The following AGAP1 variants were observed in gnomAD, a reference collection of about 807,000 sequenced individuals.
The protein encoded by AGAP1 is arf-GAP with GTPase, ANK repeat and PH domain-containing protein 1.
In AGAP1, 29 loss-of-function variants were observed where a neutral mutation model predicts 105.3. That is an observed-to-expected ratio of 0.28 (90% CI 0.21 to 0.38). The LOEUF (loss-of-function observed/expected upper bound fraction) is 0.38, where lower values mean the gene tolerates loss of function less well. Among genes scored for constraint, AGAP1 ranks in the 10% least tolerant of loss-of-function variants. The pLI is 1.00. For missense variants in AGAP1, 998 were observed against 1,165.1 expected (o/e 0.86, Z 2.09); for synonymous variants, 509 against 485.9 (o/e 1.05, Z -0.63).
At chr2:235,833,672 A>G (rs79333384) in intron 9 of AGAP1, among the ~76,000 whole-genome samples, 1 of 152,010 alleles carries the variant, frequency 6.6e-6, no homozygotes, top group Non-Finnish European at 1.5e-5. Flanking sequence ...TCCCGAATGA[A>G]TGAATGGAAC....
intron 1 of AGAP1, among the ~76,000 whole-genome samples, chr2:235,567,958 G>T (rs1944400175): frequency 6.6e-6 from 1 of 152,178 alleles, no homozygotes; most frequent in Admixed American, 6.5e-5. Context: ...ATTTCTGGAA[G>T]GTGGCTTTGG....
At chr2:235,667,815 C>T (rs1400895869) in intron 1 of AGAP1, among the ~76,000 whole-genome samples, 3 of 151,762 alleles carry the variant, frequency 2.0e-5, no homozygotes, top group African/African-American at 4.8e-5. Flanking sequence ...AAAAATTAGC[C>T]GGGACTGGTG....
intron 13 of AGAP1, among the ~76,000 whole-genome samples, chr2:236,031,765 T>A (rs2057231302): frequency 6.6e-6 from 1 of 152,002 alleles, no homozygotes; most frequent in Non-Finnish European, 1.5e-5. Flanking sequence ...CCAGAACAGG[T>A]GTCATCCCTC....
intron 9 of AGAP1, among the ~76,000 whole-genome samples, chr2:235,828,680 A>G (rs887893834): frequency 1.3e-5 from 2 of 152,218 alleles, no homozygotes; most frequent in African/African-American, 4.8e-5. Flanking sequence ...GTGGAATGTC[A>G]TGGAGCAAAT....
chr2:235,610,211 GC>G lies in AGAP1; in HGVS notation c.164-98967del. On this transcript the variant is annotated intron_variant, in intron 1 of 17. Transcript: ENST00000304032. The surrounding 1 kb of genome is among the most constrained non-coding windows in gnomAD (Gnocchi z 4.9). ...AGAGCCACAGTCATCCTGTGTGCCT[GC>G]TTGAGTCTGCACCGAACATGGCTCT... Among the ~76,000 whole-genome samples the G allele has an allele frequency of 6.6e-6, 1 of 152,152 alleles. No individual in the cohort carries two copies. Among genetic ancestry groups the G allele is most frequent in the East Asian group, 1.9e-4 (1 of 5,174 alleles).
rs866194568 is a variant in AGAP1, at chr2:235,819,120, T to A, written c.1050+11789T>A. ...TGTATTTCTTTTCTTTTCTTTTCTT[T>A]TTTTTTTTTTTGGAGACAGAGTCTA... On this transcript the variant is annotated intron_variant, in intron 9 of 17. Coordinates refer to ENST00000304032, the MANE Select transcript of AGAP1 (RefSeq NM_001037131.3). Among the ~76,000 whole-genome samples, 431 of 150,582 alleles carry A rather than the reference T, an allele frequency of 2.9e-3. 2 individuals carry two copies. The highest frequency in any genetic ancestry group is 0.02 in the East Asian group (102 of 5,150).
rs1945726391 is a variant in AGAP1, at chr2:235,601,390, A to G, written c.163+106541A>G. Among the ~76,000 whole-genome samples the G allele has an allele frequency of 6.6e-6, 1 of 152,172 alleles. No individual in the cohort carries two copies. Among genetic ancestry groups the G allele is most frequent in the South Asian group, 2.1e-4 (1 of 4,828 alleles). On this transcript the variant is annotated intron_variant, in intron 1 of 17. Coordinates refer to ENST00000304032, the MANE Select transcript of AGAP1 (RefSeq NM_001037131.3). This position sits in a 1 kb window ranked among gnomAD's most constrained non-coding sequence, Gnocchi z 4.4. Reference sequence around the variant, plus strand: ...GTCTGTTGTCGTGCTGCTAATAAGCACATACCTGAGACTGGGTAATTTATA... The same window carrying G: ...GTCTGTTGTCGTGCTGCTAATAAGCGCATACCTGAGACTGGGTAATTTATA...
At chr2:235,771,386 C>T (rs1436218448) in intron 6 of AGAP1, among the ~76,000 whole-genome samples, 5 of 152,180 alleles carry the variant, frequency 3.3e-5, no homozygotes, top group African/African-American at 7.2e-5. Context: ...GCTCCCACCA[C>T]ACGTGGGCAC....
chr2:235,859,151 A>G (rs559413993), intron 9 of AGAP1, among the ~76,000 whole-genome samples: 1 of 152,248 alleles, frequency 6.6e-6, no homozygotes, highest in African/African-American at 2.4e-5. Flanking sequence ...AACTTTCTTC[A>G]TTAAAATTAA....
chr2:235,948,253 G>T (rs1392718037), intron 12 of AGAP1, among the ~76,000 whole-genome samples: 2 of 152,198 alleles, frequency 1.3e-5, no homozygotes, highest in Non-Finnish European at 2.9e-5. Context: ...CACGATCTCA[G>T]CTCACTGCAG....
chr2:236,122,931 C>T (rs141486911), intron 17 of AGAP1, among the ~76,000 whole-genome samples: 2,322 of 152,260 alleles, frequency 0.015, 63 homozygotes, highest in African/African-American at 0.054. Flanking sequence ...GATCCGCCCT[C>T]CTCGGCCTCC....
At position 235,744,228 on chromosome 2, in the gene AGAP1, G is replaced by A. The variant is rs537447407; in HGVS notation, c.397-470G>A. Among the ~76,000 whole-genome samples the A allele has an allele frequency of 1.3e-5, 2 of 152,278 alleles. No homozygotes were observed. Among genetic ancestry groups the A allele is most frequent in the East Asian group, 3.9e-4 (2 of 5,174 alleles). ...GGCCAGCCGCTGCGGTAGCGAGTGG[G>A]AAGGACTGAGGGGTGGGGAGGTTCT... On this transcript the variant is annotated intron_variant, in intron 4 of 17. Coordinates refer to ENST00000304032, the MANE Select transcript of AGAP1 (RefSeq NM_001037131.3). This position sits in a 1 kb window ranked among gnomAD's most constrained non-coding sequence, Gnocchi z 5.2.
At chr2:236,069,846 T>C (rs1393898539) in intron 16 of AGAP1, among the ~76,000 whole-genome samples, 1 of 152,266 alleles carries the variant, frequency 6.6e-6, no homozygotes, top group Admixed American at 6.5e-5. Context: ...TCTGATTTAT[T>C]CTTATTTATT....
Position 235,582,193 on chromosome 2 carries a change from C to T in AGAP1, c.163+87344C>T, listed in dbSNP as rs1023925542. Among the ~76,000 whole-genome samples, 6 of 152,258 alleles carry T rather than the reference C, an allele frequency of 3.9e-5. No individual in the cohort carries two copies. The highest frequency in any genetic ancestry group is 7.4e-5 in the Non-Finnish European group (5 of 68,018). On this transcript the variant is annotated intron_variant, in intron 1 of 17. Coordinates refer to ENST00000304032, the MANE Select transcript of AGAP1 (RefSeq NM_001037131.3). This position sits in a 1 kb window ranked among gnomAD's most constrained non-coding sequence, Gnocchi z 4.7. ...TGGTCACCAGATGTGAGCCCTGGAG[C>T]GCATGATTGTGGTTTTGACCCATTC...
chr2:236,017,758 C>G (rs1358596276), intron 13 of AGAP1, among the ~76,000 whole-genome samples: 16 of 152,204 alleles, frequency 1.1e-4, no homozygotes, highest in Admixed American at 1.0e-3. Flanking sequence ...CTTTTATGTC[C>G]TCTCTCTTCC....
intron 12 of AGAP1, among the ~76,000 whole-genome samples, chr2:235,950,137 T>C (rs2053671378): frequency 2.0e-5 from 3 of 152,008 alleles, no homozygotes; most frequent in African/African-American, 7.3e-5. Context: ...GCGCAGAAAA[T>C]GGGGTGAGTG....
In AGAP1 at chr2:235,961,909, C is replaced by CCG. The variant is rs1443047014; in HGVS notation, c.1484-6552_1484-6551dup. On this transcript the variant is annotated intron_variant, in intron 12 of 17. Coordinates refer to ENST00000304032, the MANE Select transcript of AGAP1 (RefSeq NM_001037131.3). The surrounding 1 kb of genome is among the most constrained non-coding windows in gnomAD (Gnocchi z 5.9). ...GTGAGATGACAGCTCATGTTTAGTG[C>CCG]CGGGTGCTGGGTGAGCGAGGGTGGG... Among the ~76,000 whole-genome samples, 1 of 152,064 alleles carries CCG rather than the reference C, an allele frequency of 6.6e-6. No homozygotes were observed. The highest frequency in any genetic ancestry group is 1.5e-5 in the Non-Finnish European group (1 of 68,032).
Position 235,662,091 on chromosome 2 carries a change from G to T in AGAP1, c.164-47088G>T, listed in dbSNP as rs192583302. Among the ~76,000 whole-genome samples the T allele has an allele frequency of 3.9e-3, 592 of 152,296 alleles. 3 individuals are homozygous for T. The highest frequency in any genetic ancestry group is 0.013 in the African/African-American group (548 of 41,552). On this transcript the variant is annotated intron_variant, in intron 1 of 17. Coordinates refer to ENST00000304032, the MANE Select transcript of AGAP1 (RefSeq NM_001037131.3). The surrounding 1 kb of genome is among the most constrained non-coding windows in gnomAD (Gnocchi z 4.2). ...ATTCAGGGAAGGAAAAGACCATGGCGCTGAGGAGGCGGCACGGCCTGGCCC... is the reference window on the plus strand; with the variant it reads ...ATTCAGGGAAGGAAAAGACCATGGCTCTGAGGAGGCGGCACGGCCTGGCCC...
intron 6 of AGAP1, chr2:235,776,891 A>G (rs979638586): frequency 1.9e-5 from 9 of 470,124 alleles, no homozygotes; most frequent in African/African-American, 4.0e-5. Flanking sequence ...CTTGGCTGCA[A>G]CCTCTCTGGC....
Sources: gnomAD v4.1 joint callset for allele counts (sites outside exome capture counted in the v4.1 genomes callset) on GRCh38, gnomAD v4.1.1 for gene constraint, Gnocchi (gnomAD v3.1) non-coding constraint, MANE v1.5 for transcripts, NCBI Gene and HGNC (gene_info 2026-07-23, HGNC 2026-07-21) for gene names.